The following SAMM50 variants were observed in gnomAD, a reference collection of about 807,000 sequenced individuals.
SAMM50 encodes SAMM50 sorting and assembly machinery component.
Under a neutral mutation model 66.9 loss-of-function variants are expected in SAMM50, and 47 were observed. The observed-to-expected ratio is 0.70, with a 90% CI of 0.56 to 0.90. The LOEUF is 0.90. Ranked by LOEUF, SAMM50 falls within the 40% of genes least tolerant of loss-of-function variation. SAMM50 has a pLI of 0.00. For synonymous variants in SAMM50, 191 were observed against 214.1 expected (o/e 0.89, Z 0.94); for missense variants, 535 against 595.3 (o/e 0.90, Z 1.05).
chr22:43,980,132 CCACA>C (rs1328575807), intron 10 of SAMM50, among the ~76,000 whole-genome samples: 92 of 102,724 alleles, frequency 9.0e-4, no homozygotes, highest in East Asian at 1.3e-3. Flanking sequence ...ACCTACCCAC[CCACA>C]CATCCATCCA....
rs765151098 is a variant in SAMM50, at chr22:43,976,039, G to A, written c.649-16G>A. Reference sequence around the variant, plus strand: ...GTATGTGTGGTCCGGAAAGATGTCTGATCTCCATGTTGCAGTTTCCCATAT... The same window carrying A: ...GTATGTGTGGTCCGGAAAGATGTCTAATCTCCATGTTGCAGTTTCCCATAT... On this transcript the variant is annotated splice_polypyrimidine_tract_variant and intron_variant, in intron 7 of 14. Transcript: ENST00000350028. 18 of 1,601,932 alleles carry A rather than the reference G, an allele frequency of 1.1e-5. No homozygotes were observed. The highest frequency in any genetic ancestry group is 1.5e-5 in the Non-Finnish European group (18 of 1,170,014).
At chr22:43,972,370 T>C in intron 5 of SAMM50, 28 bp downstream of exon 5, 3 of 1,361,916 alleles carry the variant, frequency 2.2e-6, no homozygotes, top group Non-Finnish European at 3.0e-6. Flanking sequence ...TACTTTCTTA[T>C]ATTGGAACTT....
rs1381849973 is a variant in SAMM50 at position 43,977,974 on chromosome 22, A to T, written c.936+16A>T. Reference sequence around the variant, plus strand: ...ATTTGATTCAGTGAGTATCTAACGGATGCTGGCACCTGCACTGTCAGCCCT... The same window carrying T: ...ATTTGATTCAGTGAGTATCTAACGGTTGCTGGCACCTGCACTGTCAGCCCT... On this transcript the variant is annotated intron_variant, in intron 10 of 14. Transcript: ENST00000350028. 1 of 1,552,480 alleles carries T rather than the reference A, an allele frequency of 6.4e-7. No homozygotes were observed. Among genetic ancestry groups the T allele is most frequent in the East Asian group, 2.2e-5 (1 of 44,478 alleles).
At chr22:43,955,664 G>A (rs2050115291) in intron 1 of SAMM50, 66 bp downstream of exon 1, 1 of 1,503,344 alleles carries the variant, frequency 6.7e-7, no homozygotes, top group Non-Finnish European at 9.0e-7. Flanking sequence ...GGCGCCGCGG[G>A]GAGACGCTCT....
At chr22:43,963,248 A>G (rs2050156535) in intron 1 of SAMM50, 38 bp from the exon 2 acceptor site, 3 of 1,336,200 alleles carry the variant, frequency 2.2e-6, no homozygotes, top group African/African-American at 1.5e-5. Context: ...TATATATGTG[A>G]CAAAGTCATT....
At chr22:43,990,207 C>T (rs2146828014) in intron 13 of SAMM50, 58 bp from the exon 14 acceptor site, 1 of 1,603,778 alleles carries the variant, frequency 6.2e-7, no homozygotes, top group South Asian at 1.1e-5. Context: ...TCTGGGAGAG[C>T]TGGGAGAGCT....
intron 3 of SAMM50, among the ~76,000 whole-genome samples, chr22:43,967,320 T>A (rs1475385366): frequency 6.6e-6 from 1 of 152,248 alleles, no homozygotes; most frequent in Non-Finnish European, 1.5e-5. Flanking sequence ...TCCATGGGGC[T>A]GAGACCTGAA....
chr22:43,962,082 G>A (rs1446874321), intron 1 of SAMM50, among the ~76,000 whole-genome samples: 2 of 152,110 alleles, frequency 1.3e-5, no homozygotes, highest in Non-Finnish European at 2.9e-5. Flanking sequence ...AAGTTGAAAT[G>A]TAAGTTGAAA....
In SAMM50 at chr22:43,977,934, G is replaced by T. The variant is rs372628743; in HGVS notation, c.912G>T (p.Leu304Phe). ...SFIKEDFELQ[L>F]NKQLIFDSVF... is the part of the protein sequence containing the mutation. The stretch of plus-strand genomic sequence containing the variant: ...TCAAAGAAGATTTTGAACTTCAGTT[G>T]AACAAGCAACTCATATTTGATTCAG... Residue 304 changes from leucine (L) to phenylalanine (F), a missense_variant, in exon 10 of 15, where the codon TTG becomes TTT. Coordinates refer to ENST00000350028, the MANE Select transcript of SAMM50 (RefSeq NM_015380.5). 1.2e-5 allele frequency: 20 copies of T among 1,612,898 alleles called. No homozygotes were observed. The highest frequency in any genetic ancestry group is 1.6e-5 in the Non-Finnish European group (19 of 1,179,404).
intron 3 of SAMM50, among the ~76,000 whole-genome samples, chr22:43,966,678 A>T (rs2146809637): frequency 6.6e-6 from 1 of 152,318 alleles, no homozygotes; most frequent in South Asian, 2.1e-4. Context: ...CTCTTACAGC[A>T]GTCCATGAGA....
Position 43,955,569 on chromosome 22 carries a change from G to A in SAMM50, c.-9G>A, listed in dbSNP as rs1185770738. 2.5e-6 allele frequency: 4 copies of A among 1,601,050 alleles called. No individual in the cohort carries two copies. In the African/African-American group the frequency reaches 4.0e-5, roughly 16 times the overall value. ...GCAGCTCTGCGAGGCAGCGGCTGGA[G>A]AGGGAACCATGGGGACTGTGCACGC... On this transcript the variant is annotated 5_prime_UTR_variant, in exon 1 of 15. Coordinates refer to ENST00000350028, the MANE Select transcript of SAMM50 (RefSeq NM_015380.5).
intron 12 of SAMM50, chr22:43,987,018 A>G (rs1272755386): frequency 6.6e-6 from 1 of 152,058 alleles, no homozygotes; most frequent in Non-Finnish European, 1.5e-5. Flanking sequence ...TAAGTTTTTG[A>G]TGGTTTTATT....
chr22:43,993,564 C>T (rs879581560), intron 14 of SAMM50, among the ~76,000 whole-genome samples: 2 of 152,234 alleles, frequency 1.3e-5, no homozygotes, highest in Non-Finnish European at 2.9e-5. Flanking sequence ...AAAGACCAGG[C>T]TATAAGGAAG....
At chr22:43,963,786 T>C (rs2050159117) in intron 2 of SAMM50, among the ~76,000 whole-genome samples, 1 of 152,228 alleles carries the variant, frequency 6.6e-6, no homozygotes, top group Admixed American at 6.5e-5. Context: ...TTCCAGTTCT[T>C]GAAGAGTTTA....
At position 43,972,935 on chromosome 22, in the gene SAMM50, A is replaced by G. The variant is rs768642813; in HGVS notation, c.494A>G (p.Tyr165Cys). 5.0e-6 allele frequency: 8 copies of G among 1,601,358 alleles called. No homozygotes were observed. Among genetic ancestry groups the G allele is most frequent in the South Asian group, 2.3e-5 (2 of 87,270 alleles). Residue 165 changes from tyrosine to cysteine, a missense_variant, in exon 6 of 15, where the codon TAT becomes TGT. By Grantham distance (194) the Tyr-to-Cys change is radical. Transcript: ENST00000350028. Reference protein sequence around the residue: ...RAEKVTFQFSYGTKETSYGLS... With the variant: ...RAEKVTFQFSCGTKETSYGLS... ...GAAAAGGTGACCTTTCAGTTTTCCT[A>G]TGGAACAAAAGAAACTTCGTATGGC...
intron 1 of SAMM50, among the ~76,000 whole-genome samples, chr22:43,962,881 ATT>A (rs58022542): frequency 1.8e-4 from 12 of 65,506 alleles, no homozygotes; most frequent in African/African-American, 5.6e-4. Flanking sequence ...CTTTTGGTTA[ATT>A]TTTTTTTTTT....
At position 43,990,308 on chromosome 22, in the gene SAMM50, C is replaced by T; in HGVS notation, c.1266C>T (p.Ile422=). 1.2e-6 allele frequency: 2 copies of T among 1,614,168 alleles called. No homozygotes were observed. The highest frequency in any genetic ancestry group is 1.7e-6 in the Non-Finnish European group (2 of 1,180,022). ...KAHIRKLAEC[I]RWSYGAGIVL... Reference sequence around the variant, plus strand: ...ATATTCGTAAGCTGGCTGAGTGCATCCGCTGGTCGTACGGGGCCGGGATTG... The same window carrying T: ...ATATTCGTAAGCTGGCTGAGTGCATTCGCTGGTCGTACGGGGCCGGGATTG... Residue 422 remains isoleucine, a synonymous_variant, in exon 14 of 15, where the codon ATC becomes ATT. Transcript: ENST00000350028.
At chr22:43,975,763 A>C (rs2050227980) in intron 7 of SAMM50, 1 of 305,974 alleles carries the variant, frequency 3.3e-6, no homozygotes, top group African/African-American at 2.1e-5. Flanking sequence ...TCGATGATAG[A>C]GCTGCCTGCA....
intron 7 of SAMM50, among the ~76,000 whole-genome samples, chr22:43,973,704 C>T (rs540923730): frequency 1.6e-4 from 24 of 152,274 alleles, no homozygotes; most frequent in African/African-American, 5.1e-4. Context: ...GGCACGATCT[C>T]GGCTCACTGC....
Sources: allele counts gnomAD v4.1 joint callset (sites outside exome capture counted in the v4.1 genomes callset), GRCh38; gene constraint gnomAD v4.1.1; transcripts MANE v1.5; gene names NCBI Gene and HGNC (gene_info 2026-07-23, HGNC 2026-07-21).